Variants in SEPTIN2 observed in about 807,000 individuals in gnomAD.
SEPTIN2 encodes the protein septin 2.
In SEPTIN2, 34 loss-of-function variants were observed where a neutral mutation model predicts 46.5. The ratio of observed to expected loss-of-function variants is 0.73; its 90% CI spans 0.56 to 0.97. The LOEUF is 0.97. Ranked by LOEUF, SEPTIN2 falls within the 50% of genes least tolerant of loss-of-function variation. SEPTIN2 has a pLI of 0.00. For missense variants in SEPTIN2, 347 were observed against 448.4 expected (o/e 0.77, Z 2.04); for synonymous variants, 175 against 153.4 (o/e 1.14, Z -1.04).
At chr2:241,335,692 T>A in intron 4 of SEPTIN2, 1 of 565,154 alleles carries the variant, frequency 1.8e-6, no homozygotes, top group South Asian at 2.2e-5. Context: ...TATTTTTGAA[T>A]TCAGTTTTTA....
At chr2:241,346,018 T>C in intron 9 of SEPTIN2, 148 bp from the exon 10 acceptor site, 1 of 579,808 alleles carries the variant, frequency 1.7e-6, no homozygotes, top group Non-Finnish European at 3.2e-6. Flanking sequence ...GCCATACTCA[T>C]TATCCTGAAA....
intron 7 of SEPTIN2, among the ~76,000 whole-genome samples, chr2:241,338,671 T>C (rs1281914624): frequency 7.9e-6 from 1 of 126,652 alleles, no homozygotes; most frequent in Non-Finnish European, 1.6e-5. Flanking sequence ...ATATCTATAT[T>C]ATTTATATTA....
Position 241,350,970 on chromosome 2 carries a change from G to C in SEPTIN2, c.*29+767G>C, listed in dbSNP as rs143520773. On this transcript the variant is annotated intron_variant, in intron 12 of 12. Transcript: ENST00000391971. ...TCCAAAGAAGAGGGTAGGTCACATG[G>C]AGCTGGGGTAAAGGCAAACAAACCT... Among the ~76,000 whole-genome samples, 41 of 152,330 alleles carry C rather than the reference G, an allele frequency of 2.7e-4. No homozygotes were observed. In the East Asian group the frequency reaches 7.5e-3, roughly 28 times the overall value.
chr2:241,328,783 A>C (rs1236875650), intron 3 of SEPTIN2, among the ~76,000 whole-genome samples: 2 of 149,920 alleles, frequency 1.3e-5, no homozygotes, highest in African/African-American at 2.5e-5. Flanking sequence ...GCACTTGAGG[A>C]GGCTAGGCGG....
At chr2:241,338,589 A>C (rs1232652440) in intron 7 of SEPTIN2, among the ~76,000 whole-genome samples, 2 of 134,344 alleles carry the variant, frequency 1.5e-5, no homozygotes, top group African/African-American at 5.5e-5. Flanking sequence ...GTCTCTAAAA[A>C]AATATATATA....
intron 3 of SEPTIN2, among the ~76,000 whole-genome samples, chr2:241,326,741 C>A (rs1364534874): frequency 6.6e-6 from 1 of 152,160 alleles, no homozygotes; most frequent in East Asian, 1.9e-4. Context: ...ACAGGGAAGC[C>A]CACCAAGTAA....
chr2:241,316,600 C>T (rs753176712), intron 1 of SEPTIN2: 4 of 1,365,750 alleles, frequency 2.9e-6, no homozygotes, highest in Middle Eastern at 1.9e-4. Flanking sequence ...TGGAGGCCGC[C>T]GAGTTGGCCC....
intron 3 of SEPTIN2, among the ~76,000 whole-genome samples, chr2:241,328,168 C>T (rs1021875098): frequency 2.6e-5 from 4 of 152,248 alleles, no homozygotes; most frequent in African/African-American, 9.6e-5. Context: ...GGCGTGATGG[C>T]TCATGCCTGT....
At chr2:241,338,648 TTACA>T (rs1394758251) in intron 7 of SEPTIN2, among the ~76,000 whole-genome samples, 8 of 129,578 alleles carry the variant, frequency 6.2e-5, no homozygotes, top group Middle Eastern at 3.7e-3. Flanking sequence ...ATAATATATA[TTACA>T]TATATATTAT....
chr2:241,343,725 C>T, intron 8 of SEPTIN2, 27 bp from the exon 9 acceptor site: 2 of 1,613,472 alleles, frequency 1.2e-6, no homozygotes. Flanking sequence ...TGTGTGGAGC[C>T]TGTCTACTCT....
At chr2:241,333,579 G>C (rs536993478) in intron 3 of SEPTIN2, among the ~76,000 whole-genome samples, 2 of 151,850 alleles carry the variant, frequency 1.3e-5, no homozygotes, top group South Asian at 2.1e-4. Flanking sequence ...GTGCGATCTC[G>C]GCTCACTGCA....
chr2:241,322,657 T>C (rs959034584), intron 1 of SEPTIN2, among the ~76,000 whole-genome samples: 6 of 151,846 alleles, frequency 4.0e-5, no homozygotes, highest in African/African-American at 1.5e-4. Context: ...TTTAAAAATA[T>C]TGTCACATTT....
intron 7 of SEPTIN2, among the ~76,000 whole-genome samples, chr2:241,340,706 T>C (rs1335848089): frequency 2.0e-5 from 3 of 152,198 alleles, no homozygotes; most frequent in Admixed American, 1.3e-4. Context: ...AGTGCTGGAT[T>C]ACAACATCTG....
intron 3 of SEPTIN2, among the ~76,000 whole-genome samples, chr2:241,333,541 G>A (rs564551716): frequency 1.3e-5 from 2 of 152,134 alleles, no homozygotes; most frequent in South Asian, 2.1e-4. Flanking sequence ...ATGGAGTCTC[G>A]CTCAGTCGCC....
chr2:241,342,952 C>A, intron 7 of SEPTIN2, 40 bp from the exon 8 acceptor site: 1 of 1,072,822 alleles, frequency 9.3e-7, no homozygotes, highest in Non-Finnish European at 1.4e-6. Flanking sequence ...ATAACATACG[C>A]AGTTTGCTAA....
At chr2:241,319,666 A>G (rs1397002333) in intron 1 of SEPTIN2, among the ~76,000 whole-genome samples, 1 of 152,138 alleles carries the variant, frequency 6.6e-6, no homozygotes, top group Non-Finnish European at 1.5e-5. Flanking sequence ...ATCTCGGCTC[A>G]CTACAGCCTT....
chr2:241,339,144 T>A (rs12469591), intron 7 of SEPTIN2, among the ~76,000 whole-genome samples: 117,866 of 147,418 alleles, frequency 0.8, 47,307 homozygotes, highest in East Asian at 0.95. Flanking sequence ...CTGTAATCCC[T>A]GCACTTTGGA....
intron 4 of SEPTIN2, 50 bp downstream of exon 4, chr2:241,335,262 T>C (rs1312192238): frequency 1.3e-6 from 2 of 1,597,362 alleles, no homozygotes; most frequent in South Asian, 2.2e-5. Context: ...TGAAAGATGC[T>C]GAAGACTGCC....
rs557631099 is a variant in SEPTIN2, at chr2:241,329,652, G to A, written c.130+3539G>A. Among the ~76,000 whole-genome samples, 21 of 152,304 alleles carry A rather than the reference G, an allele frequency of 1.4e-4. No individual in the cohort carries two copies. The South Asian group carries it at 2.5e-3, about 18-fold the overall frequency. On this transcript the variant is annotated intron_variant, in intron 3 of 12. Coordinates refer to ENST00000391971, the MANE Select transcript of SEPTIN2 (RefSeq NM_004404.5). ...AGCAGTTTTGTCAAGAGGGTACACC[G>A]AACAAAGAGGATCATTTGTAACCTG...
Sources: gnomAD v4.1 joint callset for allele counts (sites outside exome capture counted in the v4.1 genomes callset) on GRCh38, gnomAD v4.1.1 for gene constraint, MANE v1.5 for transcripts, NCBI Gene and HGNC (gene_info 2026-07-23, HGNC 2026-07-21) for gene names.